The following SGMS1 variants were observed in gnomAD, a reference collection of about 807,000 sequenced individuals.
SGMS1 encodes the protein sphingomyelin synthase 1.
A neutral mutation model predicts 46.2 loss-of-function variants in SGMS1; 13 were observed. The observed-to-expected ratio is 0.28, with a 90% CI of 0.18 to 0.45. The LOEUF (loss-of-function observed/expected upper bound fraction) is 0.45, where lower values mean the gene tolerates loss of function less well. Among genes scored for constraint, SGMS1 ranks in the 20% least tolerant of loss-of-function variants. SGMS1 has a pLI of 1.00. For missense variants in SGMS1, 324 were observed against 519.9 expected (o/e 0.62, Z 3.66); for synonymous variants, 203 against 187.8 (o/e 1.08, Z -0.66).
intron 7 of SGMS1, among the ~76,000 whole-genome samples, chr10:50,336,575 T>G (rs58336913): frequency 0.05 from 7,582 of 152,014 alleles, 610 homozygotes; most frequent in African/African-American, 0.17. Flanking sequence ...ACCCAACACA[T>G]AAAATATATA....
chr10:50,472,343 T>G (rs1256888032), intron 3 of SGMS1, among the ~76,000 whole-genome samples: 7 of 152,136 alleles, frequency 4.6e-5, no homozygotes, highest in Non-Finnish European at 8.8e-5. Flanking sequence ...CTCCATCCCC[T>G]TCTCCCCTTT....
At chr10:50,582,160 G>C (rs1188612578) in intron 2 of SGMS1, among the ~76,000 whole-genome samples, 1 of 152,172 alleles carries the variant, frequency 6.6e-6, no homozygotes, top group African/African-American at 2.4e-5. Context: ...TAGCTGCATA[G>C]CTTGGGAGCG....
chr10:50,366,790 G>A (rs890802604), intron 6 of SGMS1, among the ~76,000 whole-genome samples: 11 of 152,054 alleles, frequency 7.2e-5, no homozygotes, highest in Non-Finnish European at 1.3e-4. Context: ...ATCACACACC[G>A]GAGCCTGTTG....
intron 6 of SGMS1, among the ~76,000 whole-genome samples, chr10:50,364,860 G>A (rs1848308128): frequency 1.3e-5 from 2 of 152,064 alleles, no homozygotes; most frequent in Non-Finnish European, 2.9e-5. Context: ...ACAAATTCTT[G>A]ATCAGATATG....
chr10:50,429,738 CACA>C (rs1849381343), intron 6 of SGMS1, among the ~76,000 whole-genome samples: 6 of 32,270 alleles, frequency 1.9e-4, no homozygotes, highest in Non-Finnish European at 3.7e-4. Context: ...CACACACACA[CACA>C]TACTCTTTTC....
chr10:50,524,901 G>A (rs1436228783), intron 2 of SGMS1, among the ~76,000 whole-genome samples: 7 of 152,310 alleles, frequency 4.6e-5, no homozygotes, highest in African/African-American at 1.4e-4. Context: ...GAATCCTTCA[G>A]AAGAGGGTGC....
intron 2 of SGMS1, among the ~76,000 whole-genome samples, chr10:50,560,936 C>T (rs982982098): frequency 7.9e-5 from 12 of 152,114 alleles, no homozygotes; most frequent in Non-Finnish European, 1.5e-4. Flanking sequence ...AAAAGTCCTG[C>T]TGTGTGTCTT....
At chr10:50,617,706 C>CA (rs1838810957) in intron 1 of SGMS1, among the ~76,000 whole-genome samples, 1 of 152,134 alleles carries the variant, frequency 6.6e-6, no homozygotes, top group Non-Finnish European at 1.5e-5. Context: ...CTCAGTCTCC[C>CA]GAGTAGCTAG....
intron 2 of SGMS1, among the ~76,000 whole-genome samples, chr10:50,583,374 T>C (rs1838452880): frequency 6.6e-6 from 1 of 152,190 alleles, no homozygotes; most frequent in Admixed American, 6.5e-5. Context: ...ACTGCCCTGA[T>C]TCACCCTTGG....
At chr10:50,591,548 C>T (rs534763781) in intron 1 of SGMS1, among the ~76,000 whole-genome samples, 1 of 152,278 alleles carries the variant, frequency 6.6e-6, no homozygotes, top group Non-Finnish European at 1.5e-5. Flanking sequence ...CTCTTGTAGA[C>T]ACAATAACCC....
At chr10:50,555,807 C>T (rs2133838555) in intron 2 of SGMS1, among the ~76,000 whole-genome samples, 1 of 152,306 alleles carries the variant, frequency 6.6e-6, no homozygotes, top group South Asian at 2.1e-4. Flanking sequence ...AGCATTTCAG[C>T]AAGGGTTACT....
intron 5 of SGMS1, among the ~76,000 whole-genome samples, chr10:50,454,747 A>G (rs1215480929): frequency 6.6e-6 from 1 of 152,234 alleles, no homozygotes; most frequent in Non-Finnish European, 1.5e-5. Flanking sequence ...GGCACTTGAT[A>G]AAGCTTAATT....
chr10:50,322,644 A>G (rs1847465373), intron 8 of SGMS1, among the ~76,000 whole-genome samples: 1 of 151,376 alleles, frequency 6.6e-6, no homozygotes, highest in African/African-American at 2.4e-5. Context: ...CATCCTGGCT[A>G]ACAAGGTGAA....
intron 1 of SGMS1, among the ~76,000 whole-genome samples, chr10:50,620,642 A>G (rs930703659): frequency 1.3e-5 from 2 of 152,212 alleles, no homozygotes; most frequent in East Asian, 3.8e-4. Context: ...TACCTAAACA[A>G]TTGGAGGAAG....
chr10:50,415,730 C>G (rs1849160982), intron 6 of SGMS1, among the ~76,000 whole-genome samples: 1 of 152,180 alleles, frequency 6.6e-6, no homozygotes, highest in South Asian at 2.1e-4. Context: ...CTGAGACTTT[C>G]TCACCTCCAC....
chr10:50,370,728 A>G (rs1246350906), intron 6 of SGMS1, among the ~76,000 whole-genome samples: 1 of 144,036 alleles, frequency 6.9e-6, no homozygotes, highest in African/African-American at 2.5e-5. Context: ...CGACAGAGCG[A>G]GACTCCATCT....
intron 5 of SGMS1, among the ~76,000 whole-genome samples, chr10:50,437,958 G>C (rs1400791792): frequency 1.3e-5 from 2 of 152,194 alleles, no homozygotes; most frequent in Non-Finnish European, 2.9e-5. Context: ...AGGGTTTCCT[G>C]CTACCTTTTC....
At chr10:50,384,508 CTT>C (rs1412881844) in intron 6 of SGMS1, among the ~76,000 whole-genome samples, 2 of 150,914 alleles carry the variant, frequency 1.3e-5, no homozygotes, top group African/African-American at 2.4e-5. Flanking sequence ...CTTCCTTTCT[CTT>C]TTCTTTTCTC....
chr10:50,352,588 A>G (rs1848039927), intron 6 of SGMS1, among the ~76,000 whole-genome samples: 1 of 152,234 alleles, frequency 6.6e-6, no homozygotes, highest in Non-Finnish European at 1.5e-5. Context: ...AGAGATAAGT[A>G]AACTAAAATG....
Sources: allele counts gnomAD v4.1 joint callset (sites outside exome capture counted in the v4.1 genomes callset), GRCh38; gene constraint gnomAD v4.1.1; transcripts MANE v1.5; gene names NCBI Gene and HGNC (gene_info 2026-07-23, HGNC 2026-07-21).